ZAP70: variants seen among roughly 807,000 people sequenced by gnomAD.
ZAP70 encodes zeta chain of T cell receptor associated protein kinase 70.
In ZAP70, 27 loss-of-function variants were observed where a neutral mutation model predicts 65.8. That is an observed-to-expected ratio of 0.41 (90% CI 0.30 to 0.57). ZAP70 has a LOEUF of 0.57. Ranked by LOEUF, ZAP70 falls within the 20% of genes least tolerant of loss-of-function variation. ZAP70 has a pLI of 0.28. For synonymous variants in ZAP70, 363 were observed against 360.8 expected (o/e 1.01, Z -0.07); for missense variants, 696 against 870.5 (o/e 0.80, Z 2.52).
At position 97,736,193 on chromosome 2, in the gene ZAP70, A is replaced by T. The variant is rs116100436; in HGVS notation, c.1289+737A>T. The stretch of plus-strand genomic sequence containing the variant: ...CTATTTTTAATTTTTTTTTTTTTAA[A>T]GAAACAAAAACGAAGATGTGACAGA... On this transcript the variant is annotated intron_variant, in intron 10 of 13. Coordinates refer to ENST00000264972, the MANE Select transcript of ZAP70 (RefSeq NM_001079.4). This position sits in a 1 kb window ranked among gnomAD's most constrained non-coding sequence, Gnocchi z 4.0. Among the ~76,000 whole-genome samples the T allele has an allele frequency of 0.017, 2,579 of 151,900 alleles. 79 individuals carry two copies. Among genetic ancestry groups the T allele is most frequent in the African/African-American group, 0.06 (2,472 of 41,408 alleles).
chr2:97,717,345 G>A (rs796361729), intron 2 of ZAP70, among the ~76,000 whole-genome samples: 9 of 148,406 alleles, frequency 6.1e-5, no homozygotes, highest in East Asian at 2.0e-4. Flanking sequence ...CTGGCTGGGG[G>A]GACATGCGGA....
chr2:97,724,665 C>T (rs780138156), intron 3 of ZAP70: 2 of 1,528,186 alleles, frequency 1.3e-6, no homozygotes, highest in South Asian at 1.2e-5. Context: ...CTATGGTGCT[C>T]TACTATGCCA....
rs566792341 is a variant in ZAP70 at position 97,732,907 on chromosome 2, C to T, written c.588C>T (p.Gly196=). The T allele has an allele frequency of 6.2e-7, 1 of 1,614,002 alleles. No homozygotes were observed. Among genetic ancestry groups the T allele is most frequent in the Non-Finnish European group, 8.5e-7 (1 of 1,180,032 alleles). Residue 196 remains glycine, a synonymous_variant, in exon 5 of 14, where the codon GGC becomes GGT. Transcript: ENST00000264972. ...KFLLRPRKEQ[G]TYALSLIYGK... is the part of the protein sequence containing the mutation. ...GGCTGAGGCCGCGGAAGGAGCAGGGCACATACGCCCTGTCCCTCATCTATG... is the reference window on the plus strand; with the variant it reads ...GGCTGAGGCCGCGGAAGGAGCAGGGTACATACGCCCTGTCCCTCATCTATG...
chr2:97,735,139 C>G, intron 9 of ZAP70, 111 bp from the exon 10 acceptor site: 1 of 1,360,808 alleles, frequency 7.3e-7, no homozygotes, highest in South Asian at 1.3e-5. Context: ...GTGGCGACTA[C>G]AGTTGTCTAC....
the ZAP70 span, among the ~76,000 whole-genome samples, chr2:97,754,415 T>G: frequency 6.6e-5 from 10 of 152,292 alleles, no homozygotes; most frequent in East Asian, 1.4e-3. Context: ...TATCTTTTTT[T>G]TTGAGATGGA....
chr2:97,724,591 C>G (rs1449562743), intron 3 of ZAP70, 153 bp downstream of exon 3: 1 of 1,534,126 alleles, frequency 6.5e-7, no homozygotes, highest in Non-Finnish European at 8.7e-7. Context: ...GGGGAAGAAC[C>G]TGAAAGGAGG....
At chr2:97,754,028 A>G in the ZAP70 span, among the ~76,000 whole-genome samples, 183 of 152,310 alleles carry the variant, frequency 1.2e-3, no homozygotes, top group Non-Finnish European at 2.0e-3. Context: ...TCATGTAAAT[A>G]TAATTATATA....
chr2:97,739,784 T>A lies in ZAP70; in HGVS notation c.*286T>A. 1 of 479,534 alleles carries A rather than the reference T, an allele frequency of 2.1e-6. No homozygotes were observed. Among genetic ancestry groups the A allele is most frequent in the South Asian group, 3.0e-5 (1 of 33,764 alleles). The allele number at this position is 479,534 out of a possible 1,614,324, so 29.7% of individuals were successfully genotyped here. A position where few individuals can be genotyped will look rare whatever the true frequency, so the allele number is the denominator to read the frequency against. On this transcript the variant is annotated 3_prime_UTR_variant, in exon 14 of 14. Coordinates refer to ENST00000264972, the MANE Select transcript of ZAP70 (RefSeq NM_001079.4). The stretch of plus-strand genomic sequence containing the variant: ...CATTGCTTACACGGATGCCTTCCCC[T>A]GGGCCCTGACATTGGAGCCTGGGCA...
chr2:97,717,597 T>C (rs1267460060), intron 2 of ZAP70, among the ~76,000 whole-genome samples: 1 of 152,214 alleles, frequency 6.6e-6, no homozygotes, highest in Non-Finnish European at 1.5e-5. Context: ...GATGGGCATG[T>C]AATGGGGGCT....
rs1367049306 is a variant in ZAP70 at position 97,736,239 on chromosome 2, G to A, written c.1289+783G>A. ...ACAGAGATCACTTGTGGCCTGTAAA[G>A]GCTAAAATCCTTACTATCCGGCCCT... On this transcript the variant is annotated intron_variant, in intron 10 of 13. Coordinates refer to ENST00000264972, the MANE Select transcript of ZAP70 (RefSeq NM_001079.4). This position sits in a 1 kb window ranked among gnomAD's most constrained non-coding sequence, Gnocchi z 4.0. Among the ~76,000 whole-genome samples, 2 of 152,004 alleles carry A rather than the reference G, an allele frequency of 1.3e-5. No individual in the cohort carries two copies. Among genetic ancestry groups the A allele is most frequent in the Admixed American group, 1.3e-4 (2 of 15,258 alleles).
In ZAP70 at chr2:97,715,644, T is replaced by G. The variant is rs1039266732; in HGVS notation, c.-22+1650T>G. ...GTCTCCTAATAGACATTTGCTGGAG[T>G]GGTTAGTGCTGGCTGCTGCATTGGA... On this transcript the variant is annotated intron_variant, in intron 2 of 13. Coordinates refer to ENST00000264972, the MANE Select transcript of ZAP70 (RefSeq NM_001079.4). This position sits in a 1 kb window ranked among gnomAD's most constrained non-coding sequence, Gnocchi z 4.1. Among the ~76,000 whole-genome samples the G allele has an allele frequency of 2.0e-5, 3 of 151,632 alleles. No homozygotes were observed. Among genetic ancestry groups the G allele is most frequent in the African/African-American group, 7.3e-5 (3 of 41,216 alleles).
chr2:97,723,140 C>A (rs1677224754), intron 2 of ZAP70, among the ~76,000 whole-genome samples: 1 of 152,250 alleles, frequency 6.6e-6, no homozygotes, highest in Non-Finnish European at 1.5e-5. Flanking sequence ...TCCTCCTCCC[C>A]TCAATCACAC....
At chr2:97,726,358 C>T (rs941176950) in intron 4 of ZAP70, among the ~76,000 whole-genome samples, 2 of 152,232 alleles carry the variant, frequency 1.3e-5, no homozygotes, top group African/African-American at 4.8e-5. Context: ...GCTGAGGTCA[C>T]TCAGGCCTCA....
chr2:97,753,267 A>G, the ZAP70 span, among the ~76,000 whole-genome samples: 1 of 152,214 alleles, frequency 6.6e-6, no homozygotes, highest in African/African-American at 2.4e-5. Flanking sequence ...GATCGTCATT[A>G]TAATTTCCCT....
rs200430850 is a variant in ZAP70 at position 97,733,294 on chromosome 2, C to T, written c.791-3C>T. ...GCCCTCACTGTCCCTTCTGCTCCCC[C>T]AGGGGCTGCTGCTCCCACACTCCCA... On this transcript the variant is annotated splice_region_variant and splice_polypyrimidine_tract_variant and intron_variant, in intron 6 of 13. Transcript: ENST00000264972. 5 of 1,604,762 alleles carry T rather than the reference C, an allele frequency of 3.1e-6. No homozygotes were observed. The highest frequency in any genetic ancestry group is 1.7e-4 in the Middle Eastern group (1 of 5,932).
At chr2:97,741,398 C>G (rs1292377020), downstream of ZAP70, among the ~76,000 whole-genome samples, 1 of 152,174 alleles carries the variant, frequency 6.6e-6, no homozygotes, top group Admixed American at 6.5e-5. Context: ...CTCTCCCCGT[C>G]CCCACCGGTG....
the ZAP70 span, among the ~76,000 whole-genome samples, chr2:97,748,276 C>T: frequency 6.6e-5 from 10 of 152,162 alleles, no homozygotes; most frequent in South Asian, 2.1e-4. Context: ...TCCTTATAAT[C>T]GATGTGTTGG....
rs377195771 is a variant in ZAP70 at position 97,724,190 on chromosome 2, C to T, written c.154C>T (p.His52Tyr). The change falls in exon 3 of 14, where the codon CAC (histidine) becomes TAC (tyrosine). Residue 52 changes from histidine (H) to tyrosine (Y), a missense_variant. His to Tyr is a moderately conservative substitution (Grantham distance 83). Coordinates refer to ENST00000264972, the MANE Select transcript of ZAP70 (RefSeq NM_001079.4). ...SLGGYVLSLV[H>Y]DVRFHHFPIE... ...GGGCGGCTATGTGCTGTCGCTCGTG[C>T]ACGATGTGCGCTTCCACCACTTTCC... is the stretch of plus-strand genomic sequence containing the variant. 1 of 1,598,030 alleles carries T rather than the reference C, an allele frequency of 6.3e-7. No homozygotes were observed.
chr2:97,738,310 C>T (rs1677995799), intron 13 of ZAP70: 1 of 620,988 alleles, frequency 1.6e-6, no homozygotes, highest in Non-Finnish European at 2.9e-6. Context: ...GTGTGCCACA[C>T]CCTGCCATCC....
Sources: gnomAD v4.1 joint callset for allele counts (sites outside exome capture counted in the v4.1 genomes callset) on GRCh38, gnomAD v4.1.1 for gene constraint, Gnocchi (gnomAD v3.1) non-coding constraint, MANE v1.5 for transcripts, NCBI Gene and HGNC (gene_info 2026-07-23, HGNC 2026-07-21) for gene names.